Variants in GRID2 observed in about 807,000 individuals in gnomAD.
The protein encoded by GRID2 is glutamate ionotropic receptor delta type subunit 2.
Under a neutral mutation model 114.8 loss-of-function variants are expected in GRID2, and 33 were observed. The observed-to-expected ratio is 0.29, with a 90% CI of 0.22 to 0.38. The LOEUF (loss-of-function observed/expected upper bound fraction) is 0.38. Among genes scored for constraint, GRID2 ranks in the 10% least tolerant of loss-of-function variants. The probability of loss-of-function intolerance (pLI) is 1.00; values close to 1 mark genes in which losing one functional copy is unlikely to be tolerated. For missense variants in GRID2, 1,184 were observed against 1,257.7 expected (o/e 0.94, Z 0.89); for synonymous variants, 505 against 449.9 (o/e 1.12, Z -1.55).
At chr4:93,512,673 A>G (rs946575684) in intron 12 of GRID2, among the ~76,000 whole-genome samples, 4 of 152,216 alleles carry the variant, frequency 2.6e-5, no homozygotes, top group Non-Finnish European at 5.9e-5. Context: ...CTGCTATTCT[A>G]AACTTGAAGT....
chr4:92,701,230 T>C (rs1017358246), intron 2 of GRID2, among the ~76,000 whole-genome samples: 2 of 152,184 alleles, frequency 1.3e-5, no homozygotes, highest in Non-Finnish European at 2.9e-5. Context: ...TTGTGTCTAA[T>C]GCATAATAAA....
intron 2 of GRID2, among the ~76,000 whole-genome samples, chr4:92,918,750 T>C (rs890344333): frequency 1.3e-5 from 2 of 152,208 alleles, no homozygotes; most frequent in Non-Finnish European, 2.9e-5. Context: ...GGATTTGGTT[T>C]GCCAGTATTT....
At chr4:92,331,666 G>A (rs1045826280) in intron 1 of GRID2, among the ~76,000 whole-genome samples, 1 of 152,152 alleles carries the variant, frequency 6.6e-6, no homozygotes, top group Non-Finnish European at 1.5e-5. Context: ...AATTGCTACT[G>A]TTTAGAGAGC....
At chr4:93,356,018 CTAATT>C (rs1298624965) in intron 8 of GRID2, among the ~76,000 whole-genome samples, 1 of 152,068 alleles carries the variant, frequency 6.6e-6, no homozygotes, top group Non-Finnish European at 1.5e-5. Flanking sequence ...GAGCTTCTTT[CTAATT>C]TATTTTACAA....
intron 2 of GRID2, among the ~76,000 whole-genome samples, chr4:92,806,250 G>A (rs1740411256): frequency 6.6e-6 from 1 of 150,708 alleles, no homozygotes; most frequent in Admixed American, 6.6e-5. Flanking sequence ...TACCTTAAGA[G>A]ATTCCATTCA....
chr4:92,443,235 A>T (rs981327470), intron 1 of GRID2, among the ~76,000 whole-genome samples: 2 of 152,134 alleles, frequency 1.3e-5, no homozygotes, highest in African/African-American at 4.8e-5. Flanking sequence ...GACAAGAATT[A>T]TTTAGATCTT....
intron 1 of GRID2, among the ~76,000 whole-genome samples, chr4:92,584,444 T>C (rs1000505663): frequency 8.6e-5 from 13 of 152,004 alleles, no homozygotes; most frequent in African/African-American, 3.1e-4. Flanking sequence ...TTAACAATTC[T>C]GAATAGCTCT....
intron 14 of GRID2, among the ~76,000 whole-genome samples, chr4:93,698,974 C>T (rs1020667895): frequency 6.6e-6 from 1 of 152,016 alleles, no homozygotes; most frequent in East Asian, 1.9e-4. Context: ...ATGACAGTTT[C>T]TGTTTTCAAT....
intron 2 of GRID2, among the ~76,000 whole-genome samples, chr4:92,968,364 C>T (rs1426041052): frequency 6.6e-6 from 1 of 151,846 alleles, no homozygotes; most frequent in Non-Finnish European, 1.5e-5. Flanking sequence ...CCCAAGTCAT[C>T]AATTTTACTA....
chr4:93,412,737 C>T (rs1036326405), intron 9 of GRID2, among the ~76,000 whole-genome samples: 2 of 152,072 alleles, frequency 1.3e-5, no homozygotes, highest in Admixed American at 1.3e-4. Flanking sequence ...TCTTAATGCT[C>T]TCCCTCCCCT....
chr4:92,416,577 T>C (rs1579324495), intron 1 of GRID2, among the ~76,000 whole-genome samples: 1 of 152,184 alleles, frequency 6.6e-6, no homozygotes, highest in South Asian at 2.1e-4. Context: ...AGTTTATTTA[T>C]GTATAAGTTG....
intron 2 of GRID2, among the ~76,000 whole-genome samples, chr4:93,063,439 A>T (rs1445566038): frequency 6.6e-6 from 1 of 151,856 alleles, no homozygotes; most frequent in African/African-American, 2.4e-5. Flanking sequence ...GCAAATCTGC[A>T]ATTAATTTCT....
rs532360512 is a variant in GRID2 at position 92,930,541 on chromosome 4, C to A, written c.245-154454C>A. Reference sequence around the variant, plus strand: ...AAGACAGGATATAAGAAGATTTAGGCAATTGGAAAGATTCTTTATCTTGTT... The same window carrying A: ...AAGACAGGATATAAGAAGATTTAGGAAATTGGAAAGATTCTTTATCTTGTT... On this transcript the variant is annotated intron_variant, in intron 2 of 15. Transcript: ENST00000282020. 1.8e-4 allele frequency among the ~76,000 whole-genome samples: 27 copies of A among 146,660 alleles called. No homozygotes were observed. The East Asian group carries it at 5.2e-3, about 28-fold the overall frequency.
intron 9 of GRID2, among the ~76,000 whole-genome samples, chr4:93,417,516 G>T (rs571277863): frequency 6.6e-6 from 1 of 152,030 alleles, no homozygotes; most frequent in East Asian, 1.9e-4. Context: ...AAAAGCAGAC[G>T]ATTGTCATTA....
At chr4:92,624,490 A>G (rs945828733) in intron 2 of GRID2, among the ~76,000 whole-genome samples, 2 of 151,872 alleles carry the variant, frequency 1.3e-5, no homozygotes, top group African/African-American at 4.8e-5. Context: ...TGGACAAGCT[A>G]TAACAGCCAA....
intron 2 of GRID2, among the ~76,000 whole-genome samples, chr4:92,757,958 T>C (rs1038325901): frequency 2.0e-5 from 3 of 151,464 alleles, no homozygotes; most frequent in African/African-American, 7.3e-5. Flanking sequence ...AAGGAGGAGA[T>C]CAAAAAGAAC....
At chr4:93,502,154 G>A (rs1436032587) in intron 12 of GRID2, among the ~76,000 whole-genome samples, 1 of 152,024 alleles carries the variant, frequency 6.6e-6, no homozygotes, top group Non-Finnish European at 1.5e-5. Context: ...TGGCAGCCGG[G>A]GCTGTTTGGC....
intron 14 of GRID2, among the ~76,000 whole-genome samples, chr4:93,668,675 G>A (rs1205328182): frequency 6.6e-6 from 1 of 152,032 alleles, no homozygotes; most frequent in Non-Finnish European, 1.5e-5. Flanking sequence ...TCCGGAAAAT[G>A]TGGCTTGTGT....
intron 13 of GRID2, among the ~76,000 whole-genome samples, chr4:93,605,538 G>T (rs779705195): frequency 2.6e-5 from 4 of 152,052 alleles, no homozygotes; most frequent in East Asian, 1.9e-4. Flanking sequence ...GTTATTACTT[G>T]GTCCTTATTA....
Sources: allele counts gnomAD v4.1 joint callset (sites outside exome capture counted in the v4.1 genomes callset), GRCh38; gene constraint gnomAD v4.1.1; transcripts MANE v1.5; gene names NCBI Gene and HGNC (gene_info 2026-07-23, HGNC 2026-07-21).